The following CHSY3 variants were observed in gnomAD, a reference collection of about 807,000 sequenced individuals.
CHSY3 encodes chondroitin sulfate synthase 3, also known as N-acetylgalactosaminyl-proteoglycan 3-beta-glucuronosyltransferase 3.
In CHSY3, 35 loss-of-function variants were observed where a neutral mutation model predicts 67.2. That is an observed-to-expected ratio of 0.52 (90% CI 0.40 to 0.69). The LOEUF (loss-of-function observed/expected upper bound fraction) is 0.69, where lower values mean the gene tolerates loss of function less well. Among genes scored for constraint, CHSY3 ranks in the 30% least tolerant of loss-of-function variants. The pLI, the probability that CHSY3 is intolerant of heterozygous loss-of-function variation, is 0.00. For missense variants in CHSY3, 1,069 were observed against 1,138.5 expected, an observed-to-expected ratio of 0.94 and a Z score of 0.88; for synonymous variants, 474 against 434.7, an observed-to-expected ratio of 1.09 and a Z score of -1.12.
At chr5:130,181,527 C>T (rs1326645503) in intron 2 of CHSY3, among the ~76,000 whole-genome samples, 1 of 152,132 alleles carries the variant, frequency 6.6e-6, no homozygotes, top group Admixed American at 6.6e-5. Context: ...AAAAGCATAT[C>T]TAATTCTATG....
intron 2 of CHSY3, among the ~76,000 whole-genome samples, chr5:129,929,751 T>G (rs945493720): frequency 6.6e-6 from 1 of 152,212 alleles, no homozygotes; most frequent in Admixed American, 6.5e-5. Flanking sequence ...TAGGAGTGTC[T>G]TTTACATTTC....
rs760472284 is a variant in CHSY3 at position 130,128,253 on chromosome 5, T to TGTGTGTGTGTGTGC, written c.1087-55975_1087-55974insTGTGTGTGTGTGCG. Among the ~76,000 whole-genome samples, 1,054 of 151,016 alleles carry TGTGTGTGTGTGTGC rather than the reference T, an allele frequency of 7.0e-3. 2 individuals carry two copies. The highest frequency in any genetic ancestry group is 0.019 in the East Asian group (99 of 5,092). On this transcript the variant is annotated intron_variant, in intron 2 of 2. Coordinates refer to ENST00000305031, the MANE Select transcript of CHSY3 (RefSeq NM_175856.5). The stretch of plus-strand genomic sequence containing the variant: ...TGGTGTGTGTGTGTGTGTGTGTGTG[T>TGTGTGTGTGTGTGC]GCGCTCACATGCTCAGGCATGCACA...
chr5:129,912,164 A>G (rs1287404798), intron 2 of CHSY3, among the ~76,000 whole-genome samples: 1 of 152,204 alleles, frequency 6.6e-6, no homozygotes, highest in African/African-American at 2.4e-5. Context: ...TATGTATAAG[A>G]TATATATAAC....
intron 2 of CHSY3, among the ~76,000 whole-genome samples, chr5:130,160,597 A>C (rs2149727905): frequency 6.6e-6 from 1 of 152,284 alleles, no homozygotes; most frequent in South Asian, 2.1e-4. Context: ...AGAGCCAAAG[A>C]ATTTTGATTC....
At chr5:130,148,202 C>T (rs924746728) in intron 2 of CHSY3, among the ~76,000 whole-genome samples, 5 of 152,162 alleles carry the variant, frequency 3.3e-5, no homozygotes, top group Admixed American at 2.0e-4. Context: ...TCTCTAGCTC[C>T]GTTCATGTTC....
Position 130,146,756 on chromosome 5 carries a change from A to T in CHSY3, c.1087-37473A>T, listed in dbSNP as rs555429962. 1.5e-4 allele frequency among the ~76,000 whole-genome samples: 22 copies of T among 150,488 alleles called. No individual in the cohort carries two copies. In the South Asian group the frequency reaches 3.0e-3, roughly 20 times the overall value. On this transcript the variant is annotated intron_variant, in intron 2 of 2. Coordinates refer to ENST00000305031, the MANE Select transcript of CHSY3 (RefSeq NM_175856.5). ...TATCTACAATTATAGTGTGCTAATT[A>T]AAAAAAAAGCATTTTCATTTGTTTT...
At chr5:129,968,233 A>G (rs909826735) in intron 2 of CHSY3, among the ~76,000 whole-genome samples, 29 of 151,790 alleles carry the variant, frequency 1.9e-4, no homozygotes, top group African/African-American at 6.3e-4. Context: ...ATAAGAATAG[A>G]CCAAAATGAA....
chr5:130,093,554 A>G (rs1766947231), intron 2 of CHSY3, among the ~76,000 whole-genome samples: 1 of 152,182 alleles, frequency 6.6e-6, no homozygotes, highest in African/African-American at 2.4e-5. Context: ...TAGATGCTTC[A>G]TATGCTTGAA....
At chr5:129,923,542 A>G (rs1760992293) in intron 2 of CHSY3, among the ~76,000 whole-genome samples, 1 of 152,170 alleles carries the variant, frequency 6.6e-6, no homozygotes, top group Non-Finnish European at 1.5e-5. Context: ...TAAGCAGGGG[A>G]AATGAATGCA....
chr5:130,124,039 CAAAAAAAAAAAAAAA>C (rs11297427), intron 2 of CHSY3, among the ~76,000 whole-genome samples: 1 of 58,232 alleles, frequency 1.7e-5, no homozygotes. Context: ...GACTCCATCT[CAAAAAAAAAAAAAAA>C]AAAAAAAAAA....
At chr5:130,114,122 A>G (rs1219278643) in intron 2 of CHSY3, among the ~76,000 whole-genome samples, 1 of 152,166 alleles carries the variant, frequency 6.6e-6, no homozygotes, top group East Asian at 1.9e-4. Flanking sequence ...AATCTCACAT[A>G]ATAGTTTATC....
chr5:129,912,465 G>A (rs1199617044), intron 2 of CHSY3, among the ~76,000 whole-genome samples: 1 of 152,140 alleles, frequency 6.6e-6, no homozygotes, highest in African/African-American at 2.4e-5. Context: ...ATGATCTGCA[G>A]CTTCTGGCCT....
chr5:129,908,561 C>A (rs896408064), intron 2 of CHSY3, among the ~76,000 whole-genome samples: 1 of 151,998 alleles, frequency 6.6e-6, no homozygotes, highest in South Asian at 2.1e-4. Flanking sequence ...ATTAGCATGC[C>A]CCTTAACTTT....
chr5:130,108,593 A>G (rs1372269272), intron 2 of CHSY3, among the ~76,000 whole-genome samples: 1 of 151,736 alleles, frequency 6.6e-6, no homozygotes, highest in Non-Finnish European at 1.5e-5. Context: ...ATATTATCAT[A>G]AAAGCACAAT....
intron 2 of CHSY3, among the ~76,000 whole-genome samples, chr5:129,966,791 G>T (rs1762480304): frequency 6.6e-6 from 1 of 151,676 alleles, no homozygotes; most frequent in Admixed American, 6.6e-5. Flanking sequence ...TTTAGTTCTT[G>T]CCTTGAAAAG....
At chr5:130,049,157 A>G (rs992027284) in intron 2 of CHSY3, among the ~76,000 whole-genome samples, 4 of 152,108 alleles carry the variant, frequency 2.6e-5, no homozygotes, top group Admixed American at 2.6e-4. Flanking sequence ...ATATTAATAC[A>G]TCTCTAAACT....
intron 2 of CHSY3, among the ~76,000 whole-genome samples, chr5:130,045,102 C>T (rs142824288): frequency 2.5e-3 from 381 of 152,182 alleles, no homozygotes; most frequent in African/African-American, 8.8e-3. Flanking sequence ...GAAATCCTCC[C>T]ACCTCAGCCT....
In CHSY3 at chr5:130,141,800, A is replaced by C. The variant is rs1314871978; in HGVS notation, c.1087-42429A>C. ...ATTCAGAAGAAGGAAGAATTTCAAC[A>C]TCAAAATCTGGAGAAAGTCTGCAAC... is the stretch of plus-strand genomic sequence containing the variant. On this transcript the variant is annotated intron_variant, in intron 2 of 2. Transcript: ENST00000305031. The C allele has an allele frequency of 7.2e-5, 29 of 403,332 alleles. No homozygotes were observed. The East Asian group carries it at 1.7e-3, about 23-fold the overall frequency. The allele number at this position is 403,332 out of a possible 1,614,324, so 25.0% of individuals were successfully genotyped here. A position where few individuals can be genotyped will look rare whatever the true frequency, so the allele number is the denominator to read the frequency against.
chr5:129,905,191 C>T lies in CHSY3; in HGVS notation c.362C>T (p.Ala121Val), dbSNP rs1300186736. ...QRRRGREPEGATGLPGAPAAE... is the reference protein window; with the variant it reads ...QRRRGREPEGVTGLPGAPAAE... ...CGGCGAGGACGCGAGCCTGAGGGCG[C>T]GACGGGGCTTCCCGGTGCTCCAGCG... Residue 121 changes from alanine to valine, a missense_variant, in exon 1 of 3, where the codon GCG becomes GTG. Ala to Val is a moderately conservative substitution (Grantham distance 64, BLOSUM62 0). Around this residue, in one of 5 missense-constraint regions of CHSY3, gnomAD observed 309 missense variants for 262.5 expected, o/e 1.18. Transcript: ENST00000305031. 9.2e-6 allele frequency: 14 copies of T among 1,519,226 alleles called. No individual in the cohort carries two copies. The highest frequency in any genetic ancestry group is 1.2e-5 in the Non-Finnish European group (14 of 1,140,154). 94.1% of individuals were successfully genotyped at this position (1,519,226 alleles called of 1,614,324 possible).
Sources: gnomAD v4.1 joint callset for allele counts (sites outside exome capture counted in the v4.1 genomes callset) on GRCh38, gnomAD v4.1.1 for gene constraint, gnomAD v4.1.1 regional missense constraint, MANE v1.5 for transcripts, NCBI Gene and HGNC (gene_info 2026-07-23, HGNC 2026-07-21) for gene names.